MTERF4: variants seen among roughly 807,000 people sequenced by gnomAD.
MTERF4 encodes the protein transcription termination factor 4, mitochondrial.
In MTERF4, 17 loss-of-function variants were observed where a neutral mutation model predicts 22.5. That is an observed-to-expected ratio of 0.75 (90% CI 0.52 to 1.13). The LOEUF (loss-of-function observed/expected upper bound fraction) is 1.13, where lower values mean the gene tolerates loss of function less well. Among genes scored for constraint, MTERF4 ranks in the 50% most tolerant of loss-of-function variants. The pLI, the probability that MTERF4 is intolerant of heterozygous loss-of-function variation, is 0.00. For synonymous variants in MTERF4, 165 were observed against 175.3 expected (o/e 0.94, Z 0.47); for missense variants, 420 against 466.8 (o/e 0.90, Z 0.92).
At chr2:241,072,998 T>C in exon 5 of MTERF4, 2 of 488,072 alleles carry the variant, frequency 4.1e-6, no homozygotes, top group Non-Finnish European at 7.3e-6. Context: ...CCTCTCAGCA[T>C]GATCAGTGGT....
chr2:241,094,127 G>T (rs943480148), downstream of MTERF4: 1 of 360,562 alleles, frequency 2.8e-6, no homozygotes, highest in Non-Finnish European at 5.7e-6. This position sits in a 1 kb window ranked among gnomAD's most constrained non-coding sequence, Gnocchi z 4.3. Flanking sequence ...AAACAGTTTT[G>T]CCTATGGCCA....
At chr2:241,100,275 T>C (rs547473928) in intron 1 of MTERF4, among the ~76,000 whole-genome samples, 3 of 152,306 alleles carry the variant, frequency 2.0e-5, no homozygotes, top group Non-Finnish European at 4.4e-5. Context: ...AAGAATCTTG[T>C]GGGATACAGA....
the MTERF4 span, chr2:241,065,649 G>A: frequency 3.9e-6 from 6 of 1,519,382 alleles, no homozygotes; most frequent in Non-Finnish European, 5.4e-6. Context: ...CTCGAGGGCA[G>A]CGCTGGCCCC....
At chr2:241,062,694 A>G in the MTERF4 span, 2 of 807,950 alleles carry the variant, frequency 2.5e-6, no homozygotes, top group South Asian at 2.9e-5. Flanking sequence ...ATGATGTATC[A>G]TCGAATTCTG....
rs1304202303 is a variant in MTERF4, at chr2:241,100,129, T to C, written c.22-235A>G. The C allele has an allele frequency of 8.5e-6, 4 of 470,014 alleles. No individual in the cohort carries two copies. The East Asian group carries it at 1.1e-4, about 12-fold the overall frequency. The allele number at this position is 470,014 out of a possible 1,614,324, so 29.1% of individuals were successfully genotyped here. On this transcript the variant is annotated intron_variant, in intron 1 of 3. Coordinates refer to ENST00000391980, the MANE Select transcript of MTERF4 (RefSeq NM_182501.4). The stretch of plus-strand genomic sequence containing the variant: ...CAAGCAGGTACAATATTGTTAGCTT[T>C]TGCAGCTTTAAGGATGGGAGCAGGG...
At chr2:241,058,327 TAGAAA>T in the MTERF4 span, among the ~76,000 whole-genome samples, 239 of 152,156 alleles carry the variant, frequency 1.6e-3, no homozygotes, top group Admixed American at 3.7e-3. Context: ...ATACCAATGT[TAGAAA>T]AGAAGAAAAT....
the MTERF4 span, among the ~76,000 whole-genome samples, chr2:241,055,277 C>T: frequency 6.6e-6 from 1 of 152,052 alleles, no homozygotes; most frequent in African/African-American, 2.4e-5. Flanking sequence ...TAAAAGGGCC[C>T]ACAGAACGTC....
At chr2:241,071,414 TG>T, downstream of MTERF4, 1 of 758,188 alleles carries the variant, frequency 1.3e-6, no homozygotes, top group Non-Finnish European at 2.1e-6. Context: ...CCAGGGCATC[TG>T]GGGAAGCCAC....
At chr2:241,060,347 T>C in the MTERF4 span, among the ~76,000 whole-genome samples, 25 of 152,300 alleles carry the variant, frequency 1.6e-4, no homozygotes, top group Middle Eastern at 3.4e-3. Context: ...CATACCCAGC[T>C]AATTTTTGTA....
downstream of MTERF4, among the ~76,000 whole-genome samples, chr2:241,070,752 A>G (rs1420651182): frequency 1.3e-5 from 2 of 152,220 alleles, no homozygotes; most frequent in African/African-American, 2.4e-5. Flanking sequence ...AGGGTCCCGA[A>G]CGCCCCACTT....
At chr2:241,071,983 G>A, downstream of MTERF4, 3 of 1,005,934 alleles carry the variant, frequency 3.0e-6, no homozygotes. Flanking sequence ...CCCACCGCCA[G>A]CGCAGTCTCC....
chr2:241,051,970 C>T, the MTERF4 span: 3 of 1,520,996 alleles, frequency 2.0e-6, no homozygotes, highest in Middle Eastern at 3.4e-4. This position sits in a 1 kb window ranked among gnomAD's most constrained non-coding sequence, Gnocchi z 4.7. Context: ...ATGAAGAGGC[C>T]CCAGCTCTGG....
chr2:241,097,902 C>T (rs1559339249), intron 2 of MTERF4, among the ~76,000 whole-genome samples: 1 of 152,174 alleles, frequency 6.6e-6, no homozygotes, highest in Non-Finnish European at 1.5e-5. Context: ...CCATCACCAT[C>T]GTCATCATAA....
chr2:241,055,107 A>T, the MTERF4 span, among the ~76,000 whole-genome samples: 1 of 149,864 alleles, frequency 6.7e-6, no homozygotes, highest in Admixed American at 6.7e-5. Context: ...ATAGAGTAAG[A>T]CTCTGTCTCA....
the MTERF4 span, chr2:241,049,832 G>A: frequency 1.2e-6 from 2 of 1,613,732 alleles, no homozygotes; most frequent in Non-Finnish European, 1.7e-6. Context: ...CCATCACCCT[G>A]CGACTCGGAC....
chr2:241,098,123 A>G (rs1185172783), intron 2 of MTERF4, among the ~76,000 whole-genome samples: 1 of 152,218 alleles, frequency 6.6e-6, no homozygotes, highest in African/African-American at 2.4e-5. Flanking sequence ...AAAGTCAACT[A>G]TTTAAACTGT....
At position 241,073,030 on chromosome 2, in the gene MTERF4, G is replaced by A. The variant is rs2062812163; in HGVS notation, n.3132C>T. The A allele has an allele frequency of 1.9e-6, 1 of 533,106 alleles. No individual in the cohort carries two copies. The highest frequency in any genetic ancestry group is 3.3e-6 in the Non-Finnish European group (1 of 299,794). The allele number at this position is 533,106 out of a possible 1,614,324, so 33.0% of individuals were successfully genotyped here. On this transcript the variant is annotated non_coding_transcript_exon_variant, in exon 5 of 5. Transcript: ENST00000464344. The surrounding 1 kb of genome is among the most constrained non-coding windows in gnomAD (Gnocchi z 6.6). ...TGGTGGCTGTCCCTGAAGCAGCTCT[G>A]AGGGGGCCCTGCAAGGGGAAGGCCG...
At chr2:241,070,140 A>G, downstream of MTERF4, 1 of 1,611,650 alleles carries the variant, frequency 6.2e-7, no homozygotes, top group Non-Finnish European at 8.5e-7. Context: ...CTGTGATAGC[A>G]GTGCAGAGCA....
the MTERF4 span, among the ~76,000 whole-genome samples, chr2:241,044,602 A>AG: frequency 1.3e-5 from 2 of 152,216 alleles, no homozygotes; most frequent in East Asian, 3.8e-4. Flanking sequence ...TCAAAACCAG[A>AG]AGTGGGCATC....
Sources: allele counts gnomAD v4.1 joint callset (sites outside exome capture counted in the v4.1 genomes callset), GRCh38; gene constraint gnomAD v4.1.1; non-coding constraint Gnocchi (gnomAD v3.1); transcripts MANE v1.5; gene names NCBI Gene and HGNC (gene_info 2026-07-23, HGNC 2026-07-21).